The following RFWD3 variants were observed in gnomAD, a reference collection of about 807,000 sequenced individuals.
RFWD3 encodes the protein ring finger and WD repeat domain 3.
A neutral mutation model predicts 87.7 loss-of-function variants in RFWD3; 65 were observed. That is an observed-to-expected ratio of 0.74 (90% CI 0.61 to 0.91). The LOEUF (loss-of-function observed/expected upper bound fraction) is 0.91. Ranked by LOEUF, RFWD3 falls within the 40% of genes least tolerant of loss-of-function variation. The probability of loss-of-function intolerance (pLI) is 0.00; values close to 1 mark genes in which losing one functional copy is unlikely to be tolerated. For missense variants in RFWD3, 1,078 were observed against 938.5 expected, an observed-to-expected ratio of 1.15 and a Z score of -1.94; for synonymous variants, 433 against 352.8, an observed-to-expected ratio of 1.23 and a Z score of -2.55.
intron 2 of RFWD3, 50 bp from the exon 3 acceptor site, chr16:74,652,172 C>T (rs1443857290): frequency 1.3e-6 from 2 of 1,506,988 alleles, no homozygotes; most frequent in Non-Finnish European, 1.8e-6. Flanking sequence ...ACTATCATCA[C>T]AAAAACAATC....
chr16:74,649,158 C>A lies in RFWD3; in HGVS notation c.766G>T (p.Asp256Tyr), dbSNP rs775176306. ...TGTTTGGGGAGGGTCTTGCCTCCATCGATACATGTAACTTCTTGCTCTGCT... is the reference window on the plus strand; with the variant it reads ...TGTTTGGGGAGGGTCTTGCCTCCATAGATACATGTAACTTCTTGCTCTGCT... ...VSAEQEVTCI[D>Y]GGKTLPKQPS... Residue 256 changes from aspartate to tyrosine, a missense_variant, in exon 4 of 13, where the codon GAT becomes TAT. Transcript: ENST00000361070. 3.2e-6 allele frequency: 5 copies of A among 1,571,188 alleles called. No individual in the cohort carries two copies. The highest frequency in any genetic ancestry group is 2.6e-6 in the Non-Finnish European group (3 of 1,166,162).
Position 74,661,326 on chromosome 16 carries a change from C to A in RFWD3, c.124G>T (p.Asp42Tyr). 1 of 1,613,990 alleles carries A rather than the reference C, an allele frequency of 6.2e-7. No homozygotes were observed. Among genetic ancestry groups the A allele is most frequent in the Non-Finnish European group, 8.5e-7 (1 of 1,179,980 alleles). ...GGTACCCCCTGGCTGCTGACCACAT[C>A]AGCAGGAACAGGCTGGAGGAGGGCT... ...GPALLQPVPA[D>Y]VVSSQGVPSI... The change falls in exon 2 of 13, where the codon GAT becomes TAT. Residue 42 changes from aspartate to tyrosine, a missense_variant. Transcript: ENST00000361070.
chr16:74,622,108 C>G lies in RFWD3; in HGVS notation c.*1820G>C, dbSNP rs901102277. The G allele has an allele frequency of 1.3e-5, 2 of 152,116 alleles. No homozygotes were observed. Among genetic ancestry groups the G allele is most frequent in the African/African-American group, 4.8e-5 (2 of 41,432 alleles). 9.4% of individuals were successfully genotyped at this position (152,116 alleles called of 1,614,324 possible). ...ACTTCAAAGAAAGTCAAATCCTAAG[C>G]CTGCCCAGGCCCAAAGACAAAGCCA... is the stretch of plus-strand genomic sequence containing the variant. On this transcript the variant is annotated 3_prime_UTR_variant, in exon 13 of 13. Transcript: ENST00000361070.
chr16:74,651,902 C>A lies in RFWD3; in HGVS notation c.721+18G>T, dbSNP rs752972452. 6.2e-7 allele frequency: 1 copy of A among 1,612,288 alleles called. No homozygotes were observed. The highest frequency in any genetic ancestry group is 1.1e-5 in the South Asian group (1 of 90,890). ...TGGATGTTAGCCTTGTGAGTCCAAA[C>A]CTGGGTAAAATACTGACCTTCTAAA... On this transcript the variant is annotated intron_variant, in intron 3 of 12. Coordinates refer to ENST00000361070, the MANE Select transcript of RFWD3 (RefSeq NM_018124.4).
At chr16:74,644,886 T>G (rs1960002691) in intron 4 of RFWD3, 151 bp from the exon 5 acceptor site, 1 of 660,420 alleles carries the variant, frequency 1.5e-6, no homozygotes, top group East Asian at 2.7e-5. Context: ...TCACTTGTCA[T>G]TCTTTCTAGA....
rs1959964375 is a variant in RFWD3 at position 74,644,647 on chromosome 16, C to A, written c.881G>T (p.Trp294Leu). ...GDTCTICLEQ[W>L]TNAGDHRLSA... Reference sequence around the variant, plus strand: ...GAGCCGGTGGTCCCCAGCATTGGTCCACTGTTCCAGACATATTGTACAAGT... The same window carrying A: ...GAGCCGGTGGTCCCCAGCATTGGTCAACTGTTCCAGACATATTGTACAAGT... The change falls in exon 5 of 13, where the codon TGG becomes TTG. Residue 294 changes from tryptophan to leucine, a missense_variant. Trp to Leu is a moderately conservative substitution (Grantham distance 61). Transcript: ENST00000361070. The A allele has an allele frequency of 1.2e-6, 2 of 1,614,014 alleles. No individual in the cohort carries two copies. Among genetic ancestry groups the A allele is most frequent in the Admixed American group, 3.3e-5 (2 of 59,986 alleles).
rs114735721 is a variant in RFWD3, at chr16:74,638,663, T to A, written c.1080-693A>T. On this transcript the variant is annotated intron_variant, in intron 6 of 12. Transcript: ENST00000361070. ...GAGAACCCCCAAAACAATTACAGTTTAGCAACGCTGCTGGACTCAAGACCA... is the reference window on the plus strand; with the variant it reads ...GAGAACCCCCAAAACAATTACAGTTAAGCAACGCTGCTGGACTCAAGACCA... Among the ~76,000 whole-genome samples, 1,200 of 152,270 alleles carry A rather than the reference T, an allele frequency of 7.9e-3. 31 individuals carry two copies. The highest frequency in any genetic ancestry group is 0.027 in the African/African-American group (1,136 of 41,550).
intron 4 of RFWD3, among the ~76,000 whole-genome samples, chr16:74,645,886 G>T (rs906804218): frequency 2.0e-5 from 3 of 151,070 alleles, no homozygotes; most frequent in African/African-American, 7.3e-5. Flanking sequence ...CTGAGTAGCT[G>T]GGACTACAGG....
At position 74,636,431 on chromosome 16, in the gene RFWD3, T is replaced by C; in HGVS notation, c.1341A>G (p.Ala447=). The C allele has an allele frequency of 6.2e-7, 1 of 1,614,212 alleles. No individual in the cohort carries two copies. The highest frequency in any genetic ancestry group is 1.1e-5 in the South Asian group (1 of 91,082). ...AGTATGCCATGATCCGGCAGTTTCC[T>C]GCCTGAGATACTGTGAAGGTCTTTT... ...HFQKTFTVSQ[A]GNCRIMAYCD... is the part of the protein sequence containing the mutation. Residue 447 remains alanine, a synonymous_variant, in exon 8 of 13, where the codon GCA becomes GCG. Transcript: ENST00000361070.
chr16:74,659,600 A>G (rs200745293), intron 2 of RFWD3, among the ~76,000 whole-genome samples: 1 of 98,718 alleles, frequency 1.0e-5, no homozygotes. Context: ...TGTCTTAAAA[A>G]CAAAAAAAAA....
Position 74,661,360 on chromosome 16 carries a change from T to C in RFWD3, c.90A>G (p.Gln30=). 1 of 1,614,086 alleles carries C rather than the reference T, an allele frequency of 6.2e-7. No homozygotes were observed. Among genetic ancestry groups the C allele is most frequent in the Middle Eastern group, 1.7e-4 (1 of 6,060 alleles). ...CAGGCTGGAGGAGGGCTGGTCCCCC[T>C]TGGCTGCTGGCCATGCCAGCAGGAG... ...QPAPAGMASS[Q]GGPALLQPVP... is the part of the protein sequence containing the mutation. The change falls in exon 2 of 13, where the codon CAA becomes CAG. Residue 30 remains glutamine, a synonymous_variant. Transcript: ENST00000361070.
At chr16:74,648,868 T>A (rs1960367014) in intron 4 of RFWD3, among the ~76,000 whole-genome samples, 1 of 152,128 alleles carries the variant, frequency 6.6e-6, no homozygotes, top group South Asian at 2.1e-4. Context: ...GGACGATACC[T>A]TGAGCCCAGG....
intron 6 of RFWD3, among the ~76,000 whole-genome samples, chr16:74,641,165 T>A (rs1181673151): frequency 7.0e-6 from 1 of 143,822 alleles, no homozygotes; most frequent in Non-Finnish European, 1.5e-5. Flanking sequence ...AAACAGATAA[T>A]TTTTTTTTTT....
At position 74,622,687 on chromosome 16, in the gene RFWD3, C is replaced by G. The variant is rs1358229309; in HGVS notation, c.*1241G>C. The G allele has an allele frequency of 1.3e-5, 2 of 152,116 alleles. No individual in the cohort carries two copies. Among genetic ancestry groups the G allele is most frequent in the East Asian group, 3.8e-4 (2 of 5,196 alleles). The allele number at this position is 152,116 out of a possible 1,614,324, so 9.4% of individuals were successfully genotyped here. ...GAAAATCAGACTGTTAAGCCATTTT[C>G]TCCCATGAACAGGACACTGACCTGC... On this transcript the variant is annotated 3_prime_UTR_variant, in exon 13 of 13. Transcript: ENST00000361070.
At chr16:74,627,679 G>T (rs1218170854) in intron 11 of RFWD3, among the ~76,000 whole-genome samples, 1 of 152,202 alleles carries the variant, frequency 6.6e-6, no homozygotes, top group African/African-American at 2.4e-5. Context: ...GTACCTGCCA[G>T]TACAAACAAG....
At chr16:74,636,620 G>T in intron 7 of RFWD3, 43 bp from the exon 8 acceptor site, 2 of 1,367,458 alleles carry the variant, frequency 1.5e-6, no homozygotes, top group South Asian at 2.5e-5. Context: ...TTTTTAATTT[G>T]ATATTCCCCT....
At chr16:74,629,391 G>A (rs1348203881) in intron 10 of RFWD3, among the ~76,000 whole-genome samples, 14 of 152,176 alleles carry the variant, frequency 9.2e-5, no homozygotes, top group African/African-American at 2.7e-4. Context: ...GGGCATGGTG[G>A]CTCACGCCTG....
chr16:74,666,671 C>G (rs764415796), intron 1 of RFWD3, 115 bp downstream of exon 1: 1 of 152,308 alleles, frequency 6.6e-6, no homozygotes, highest in Non-Finnish European at 1.5e-5. Flanking sequence ...TCCAAGCCCG[C>G]GTGCAGCCCA....
chr16:74,662,816 G>A (rs1268765397), intron 1 of RFWD3, among the ~76,000 whole-genome samples: 2 of 152,140 alleles, frequency 1.3e-5, no homozygotes, highest in African/African-American at 4.8e-5. Flanking sequence ...TGGGAGTCCA[G>A]ACCAGAGGTC....
Sources: allele counts gnomAD v4.1 joint callset (sites outside exome capture counted in the v4.1 genomes callset), GRCh38; gene constraint gnomAD v4.1.1; transcripts MANE v1.5; gene names NCBI Gene and HGNC (gene_info 2026-07-23, HGNC 2026-07-21).